TSHR: variants seen among roughly 807,000 people sequenced by gnomAD.
TSHR encodes thyroid stimulating hormone receptor, also known as thyrotropin receptor.
A neutral mutation model predicts 64.1 loss-of-function variants in TSHR; 51 were observed. The observed-to-expected ratio is 0.80, with a 90% confidence interval of 0.64 to 1.01. The LOEUF (loss-of-function observed/expected upper bound fraction) is 1.01. Among genes scored for constraint, TSHR ranks in the 50% least tolerant of loss-of-function variants. TSHR has a pLI of 0.00. For synonymous variants in TSHR, 361 were observed against 361.9 expected, an observed-to-expected ratio of 1.00 and a Z score of 0.03; for missense variants, 877 against 942.8, an observed-to-expected ratio of 0.93 and a Z score of 0.91.
intron 1 of TSHR, chr14:81,033,304 A>AAGAGTGAAGACACTCCG: frequency 2.4e-6 from 1 of 414,718 alleles, no homozygotes; most frequent in Non-Finnish European, 4.7e-6. Flanking sequence ...GTACAGCTCC[A>AAGAGTGAAGACACTCCG]AGAGTGAAGA....
intron 1 of TSHR, among the ~76,000 whole-genome samples, chr14:81,043,769 G>A (rs112612969): frequency 7.9e-5 from 12 of 151,920 alleles, no homozygotes; most frequent in Admixed American, 3.9e-4. Flanking sequence ...AAAAGAACTC[G>A]GAAACAAGTC....
At chr14:81,002,457 T>C (rs1355976121) in intron 1 of TSHR, among the ~76,000 whole-genome samples, 1 of 152,226 alleles carries the variant, frequency 6.6e-6, no homozygotes, top group Non-Finnish European at 1.5e-5. Flanking sequence ...TCAATGTTGT[T>C]GTGAAGATTT....
intron 1 of TSHR, chr14:81,033,004 GCAGATTT>G (rs939112809): frequency 2.8e-6 from 1 of 360,908 alleles, no homozygotes; most frequent in African/African-American, 2.2e-5. Flanking sequence ...GCTGTGTGGG[GCAGATTT>G]ACTGGAGTCC....
At chr14:81,088,694 C>T (rs2139971546) in intron 4 of TSHR, among the ~76,000 whole-genome samples, 1 of 152,190 alleles carries the variant, frequency 6.6e-6, no homozygotes, top group Non-Finnish European at 1.5e-5. Context: ...TTCCTACTTG[C>T]ATGCATTATA....
chr14:81,066,810 G>A (rs1348957499), intron 2 of TSHR, among the ~76,000 whole-genome samples: 1 of 152,086 alleles, frequency 6.6e-6, no homozygotes, highest in Admixed American at 6.6e-5. Context: ...GCATGTCCAG[G>A]GTTGAGAATC....
intron 1 of TSHR, among the ~76,000 whole-genome samples, chr14:80,962,190 T>C (rs1371998687): frequency 6.6e-6 from 1 of 152,260 alleles, no homozygotes; most frequent in Admixed American, 6.5e-5. Flanking sequence ...TGTCAACAGA[T>C]AATTTTCAAA....
chr14:80,999,917 AT>A (rs928937672), intron 1 of TSHR, among the ~76,000 whole-genome samples: 12 of 138,822 alleles, frequency 8.6e-5, no homozygotes, highest in African/African-American at 3.0e-4. Flanking sequence ...AGACTACCAA[AT>A]TTTTTTTCTT....
At chr14:81,025,666 C>T (rs893710135) in intron 1 of TSHR, among the ~76,000 whole-genome samples, 32 of 152,078 alleles carry the variant, frequency 2.1e-4, no homozygotes, top group African/African-American at 7.5e-4. Context: ...ATCACTGAAC[C>T]TTCTAGGCTT....
intron 1 of TSHR, among the ~76,000 whole-genome samples, chr14:81,047,341 T>C (rs1885214278): frequency 6.6e-6 from 1 of 151,856 alleles, no homozygotes; most frequent in Admixed American, 6.6e-5. Flanking sequence ...CACACACCCC[T>C]CCCCCAAAAT....
rs187611469 is a variant in TSHR at position 81,041,100 on chromosome 14, C to T, written c.171-21048C>T. Among the ~76,000 whole-genome samples the T allele has an allele frequency of 3.3e-5, 5 of 152,094 alleles. No homozygotes were observed. In the East Asian group the frequency reaches 5.8e-4, roughly 18 times the overall value. On this transcript the variant is annotated intron_variant, in intron 1 of 9. Coordinates refer to ENST00000298171, the MANE Select transcript of TSHR (RefSeq NM_000369.5). Reference sequence around the variant, plus strand: ...TTAGTTCAGCCATTGTGGAAGAAGGCGTGGCGATTTCTCAAAAACCTAAAG... The same window carrying T: ...TTAGTTCAGCCATTGTGGAAGAAGGTGTGGCGATTTCTCAAAAACCTAAAG...
chr14:81,048,408 A>T (rs1416795082), intron 1 of TSHR, among the ~76,000 whole-genome samples: 1 of 152,112 alleles, frequency 6.6e-6, no homozygotes, highest in Non-Finnish European at 1.5e-5. Context: ...TTCTTCTGTT[A>T]TTATTAATAT....
At chr14:81,131,203 T>C (rs59500227) in intron 8 of TSHR, among the ~76,000 whole-genome samples, 38,034 of 151,988 alleles carry the variant, frequency 0.25, 6,878 homozygotes, top group African/African-American at 0.5. Flanking sequence ...TCAACCCTTC[T>C]CTTTCTCACA....
At chr14:81,107,703 CA>C (rs1296005873) in intron 7 of TSHR, among the ~76,000 whole-genome samples, 2 of 152,160 alleles carry the variant, frequency 1.3e-5, no homozygotes, top group African/African-American at 4.8e-5. Flanking sequence ...TGCTCACACA[CA>C]CACTATTGGG....
intron 1 of TSHR, among the ~76,000 whole-genome samples, chr14:81,006,056 T>A (rs982369042): frequency 6.6e-6 from 1 of 152,222 alleles, no homozygotes; most frequent in African/African-American, 2.4e-5. Flanking sequence ...AATGGTATTT[T>A]TGACTCATGT....
intron 6 of TSHR, 86 bp from the exon 7 acceptor site, chr14:81,096,553 C>A: frequency 7.3e-7 from 1 of 1,368,660 alleles, no homozygotes; most frequent in Non-Finnish European, 1.0e-6. Context: ...ATTTATGACA[C>A]TGAAGAAATA....
chr14:80,961,693 C>T (rs1001753311), intron 1 of TSHR, among the ~76,000 whole-genome samples: 6 of 152,042 alleles, frequency 3.9e-5, no homozygotes, highest in East Asian at 1.9e-4. Context: ...TAGCTGGCTT[C>T]GTAAATTAAT....
intron 8 of TSHR, among the ~76,000 whole-genome samples, chr14:81,116,440 T>G (rs1168078162): frequency 2.5e-5 from 3 of 119,270 alleles, no homozygotes; most frequent in African/African-American, 3.5e-5. Context: ...AAGAAGGCCA[T>G]TACATAATGG....
At chr14:80,961,380 G>A (rs1456446839) in intron 1 of TSHR, among the ~76,000 whole-genome samples, 1 of 152,184 alleles carries the variant, frequency 6.6e-6, no homozygotes, top group Non-Finnish European at 1.5e-5. Flanking sequence ...CTTTGTAGGG[G>A]TGAGGGATAT....
chr14:81,093,531 A>G (rs902563273), intron 6 of TSHR: 4 of 152,162 alleles, frequency 2.6e-5, no homozygotes, highest in African/African-American at 9.7e-5. Context: ...TGCTCACACT[A>G]AAGTTGGGGT....
Sources: allele counts gnomAD v4.1 joint callset (sites outside exome capture counted in the v4.1 genomes callset), GRCh38; gene constraint gnomAD v4.1.1; transcripts MANE v1.5; gene names NCBI Gene and HGNC (gene_info 2026-07-23, HGNC 2026-07-21).